RFTN1: variants seen among roughly 807,000 people sequenced by gnomAD.
RFTN1 encodes raftlin.
In RFTN1, 26 loss-of-function variants were observed where a neutral mutation model predicts 46.5. That is an observed-to-expected ratio of 0.56 (90% CI 0.41 to 0.78). The LOEUF is 0.78. Ranked by LOEUF, RFTN1 falls within the 30% of genes least tolerant of loss-of-function variation. The pLI, the probability that RFTN1 is intolerant of heterozygous loss-of-function variation, is 0.00. For missense variants in RFTN1, 693 were observed against 718.7 expected (o/e 0.96, Z 0.41); for synonymous variants, 261 against 284.2 (o/e 0.92, Z 0.82).
intron 4 of RFTN1, among the ~76,000 whole-genome samples, chr3:16,386,377 T>C (rs1306294491): frequency 6.6e-6 from 1 of 152,234 alleles, no homozygotes; most frequent in Non-Finnish European, 1.5e-5. Flanking sequence ...GATTAACTCA[T>C]TTAATCCTTA....
chr3:16,328,229 G>A (rs1458568903), intron 7 of RFTN1, among the ~76,000 whole-genome samples: 3 of 152,240 alleles, frequency 2.0e-5, no homozygotes, highest in African/African-American at 7.2e-5. Flanking sequence ...GTCAAAGCAG[G>A]CTTCCTGGGG....
intron 4 of RFTN1, among the ~76,000 whole-genome samples, chr3:16,403,482 A>T (rs1484873439): frequency 1.4e-5 from 2 of 144,604 alleles, no homozygotes; most frequent in Non-Finnish European, 3.0e-5. Flanking sequence ...TCTGCAGAGT[A>T]AAATCTTATT....
chr3:16,360,616 CCT>C (rs1409461548), intron 6 of RFTN1, among the ~76,000 whole-genome samples: 1 of 152,078 alleles, frequency 6.6e-6, no homozygotes. Context: ...AAAAGTCCAC[CCT>C]CTTTCACCCA....
chr3:16,406,543 A>G (rs2074861260), intron 4 of RFTN1, among the ~76,000 whole-genome samples: 1 of 152,222 alleles, frequency 6.6e-6, no homozygotes, highest in Non-Finnish European at 1.5e-5. Context: ...GCCCTGGTTT[A>G]CAAGCTGTCC....
intron 3 of RFTN1, among the ~76,000 whole-genome samples, chr3:16,411,770 C>A (rs889317970): frequency 6.6e-6 from 1 of 152,158 alleles, no homozygotes; most frequent in Non-Finnish European, 1.5e-5. Flanking sequence ...AATCTAAAAT[C>A]CAGCTGTTCT....
intron 2 of RFTN1, among the ~76,000 whole-genome samples, chr3:16,478,407 G>A (rs970134411): frequency 5.3e-5 from 8 of 152,192 alleles, no homozygotes; most frequent in African/African-American, 1.9e-4. Context: ...CTAATAAGCA[G>A]CAGAGCCAGA....
chr3:16,476,700 T>A (rs1412336097), intron 2 of RFTN1, among the ~76,000 whole-genome samples: 1 of 152,144 alleles, frequency 6.6e-6, no homozygotes, highest in African/African-American at 2.4e-5. Context: ...TCATGTGCTA[T>A]AAGAGGTATT....
chr3:16,499,102 G>A lies in RFTN1; in HGVS notation c.-8-5225C>T, dbSNP rs536955569. On this transcript the variant is annotated intron_variant, in intron 1 of 9. Coordinates refer to ENST00000334133, the MANE Select transcript of RFTN1 (RefSeq NM_015150.2). The surrounding 1 kb of genome is among the most constrained non-coding windows in gnomAD (Gnocchi z 4.9). Reference sequence around the variant, plus strand: ...AGACACAGGTGTGCTGCACATTCCCGCACACAGACATTCAGGGAGTGTCTC... The same window carrying A: ...AGACACAGGTGTGCTGCACATTCCCACACACAGACATTCAGGGAGTGTCTC... 4.6e-5 allele frequency among the ~76,000 whole-genome samples: 7 copies of A among 152,258 alleles called. No homozygotes were observed. Among genetic ancestry groups the A allele is most frequent in the East Asian group, 3.9e-4 (2 of 5,188 alleles).
In RFTN1 at chr3:16,341,819, C is replaced by T. The variant is rs1442357084; in HGVS notation, c.1147-14943G>A. On this transcript the variant is annotated intron_variant, in intron 7 of 9. Coordinates refer to ENST00000334133, the MANE Select transcript of RFTN1 (RefSeq NM_015150.2). The surrounding 1 kb of genome is among the most constrained non-coding windows in gnomAD (Gnocchi z 4.7). Reference sequence around the variant, plus strand: ...TAATAACAGAAACATTTTCAGCATACAGTTACATACAAAAATGTATAACAG... The same window carrying T: ...TAATAACAGAAACATTTTCAGCATATAGTTACATACAAAAATGTATAACAG... Among the ~76,000 whole-genome samples, 1 of 152,078 alleles carries T rather than the reference C, an allele frequency of 6.6e-6. No individual in the cohort carries two copies. The highest frequency in any genetic ancestry group is 2.4e-5 in the African/African-American group (1 of 41,400).
At chr3:16,366,932 A>G (rs1395445033) in intron 6 of RFTN1, among the ~76,000 whole-genome samples, 22 of 152,212 alleles carry the variant, frequency 1.4e-4, no homozygotes, top group Non-Finnish European at 3.2e-4. Flanking sequence ...CAGGGAGAGG[A>G]GTCCTGGACA....
intron 6 of RFTN1, among the ~76,000 whole-genome samples, chr3:16,362,051 C>G (rs983456725): frequency 6.6e-6 from 1 of 152,218 alleles, no homozygotes; most frequent in Non-Finnish European, 1.5e-5. Flanking sequence ...AATGCACAAC[C>G]TAGACCTAAA....
intron 4 of RFTN1, among the ~76,000 whole-genome samples, chr3:16,405,304 G>A (rs1226180676): frequency 3.3e-5 from 5 of 152,114 alleles, no homozygotes; most frequent in Non-Finnish European, 7.4e-5. Context: ...TTCGGCTCTA[G>A]GACTTAGAAA....
Position 16,352,906 on chromosome 3 carries a change from C to T in RFTN1, c.1146+5026G>A, listed in dbSNP as rs905056009. 4.6e-5 allele frequency among the ~76,000 whole-genome samples: 7 copies of T among 152,178 alleles called. No homozygotes were observed. The highest frequency in any genetic ancestry group is 4.1e-4 in the South Asian group (2 of 4,822). On this transcript the variant is annotated intron_variant, in intron 7 of 9. Transcript: ENST00000334133. The surrounding 1 kb of genome is among the most constrained non-coding windows in gnomAD (Gnocchi z 4.6). ...CACTCAGGCCAGACTCTGGAATCTCCGCTGTCTTGCCAACGTGCTGCACTG... is the reference window on the plus strand; with the variant it reads ...CACTCAGGCCAGACTCTGGAATCTCTGCTGTCTTGCCAACGTGCTGCACTG...
rs1281374510 is a variant in RFTN1 at position 16,381,424 on chromosome 3, G to A, written c.442-3322C>T. Among the ~76,000 whole-genome samples the A allele has an allele frequency of 6.6e-6, 1 of 152,190 alleles. No individual in the cohort carries two copies. The highest frequency in any genetic ancestry group is 1.5e-5 in the Non-Finnish European group (1 of 68,036). The stretch of plus-strand genomic sequence containing the variant: ...CAATGGTGATTATTTCTGCCTGAAG[G>A]GGAGGTTGAGAAAAGTTTCTCCGAG... On this transcript the variant is annotated intron_variant, in intron 4 of 9. Transcript: ENST00000334133. This position sits in a 1 kb window ranked among gnomAD's most constrained non-coding sequence, Gnocchi z 4.2.
chr3:16,354,546 C>T (rs1358119533), intron 7 of RFTN1, among the ~76,000 whole-genome samples: 1 of 152,242 alleles, frequency 6.6e-6, no homozygotes, highest in Non-Finnish European at 1.5e-5. Context: ...CTGATGGGAG[C>T]AGCAGCCTTG....
At chr3:16,462,698 C>T (rs1449145711) in intron 2 of RFTN1, among the ~76,000 whole-genome samples, 1 of 152,232 alleles carries the variant, frequency 6.6e-6, no homozygotes, top group Non-Finnish European at 1.5e-5. Context: ...TTCTGGCCTC[C>T]AGAGCTCCAA....
rs1417445898 is a variant in RFTN1 at position 16,452,904 on chromosome 3, T to C, written c.146-18867A>G. Among the ~76,000 whole-genome samples the C allele has an allele frequency of 6.6e-6, 1 of 152,218 alleles. No homozygotes were observed. Among genetic ancestry groups the C allele is most frequent in the African/African-American group, 2.4e-5 (1 of 41,452 alleles). Reference sequence around the variant, plus strand: ...AATCTCCTTTTTTGAGCAAATGGTTTCAATGTATTTTACAGCAGAAAAAGC... The same window carrying C: ...AATCTCCTTTTTTGAGCAAATGGTTCCAATGTATTTTACAGCAGAAAAAGC... On this transcript the variant is annotated intron_variant, in intron 2 of 9. Transcript: ENST00000334133. The surrounding 1 kb of genome is among the most constrained non-coding windows in gnomAD (Gnocchi z 6.3).
rs367960866 is a variant in RFTN1, at chr3:16,415,409, G to GTATATATATATA, written c.333-5938_333-5927dup. On this transcript the variant is annotated intron_variant, in intron 3 of 9. Coordinates refer to ENST00000334133, the MANE Select transcript of RFTN1 (RefSeq NM_015150.2). ...GTTGAGATGTCTGGTAGACAGTTGA[G>GTATATATATATA]TATATATATATATATATATATACAC... 1.8e-3 allele frequency among the ~76,000 whole-genome samples: 193 copies of GTATATATATATA among 104,516 alleles called. 2 individuals are homozygous for GTATATATATATA. The highest frequency in any genetic ancestry group is 2.7e-3 in the Admixed American group (25 of 9,202). The allele number at this position is 104,516 out of a possible 152,430, so 68.6% of individuals were successfully genotyped here. A position where few individuals can be genotyped will look rare whatever the true frequency, so the allele number is the denominator to read the frequency against.
rs1013139421 is a variant in RFTN1 at position 16,466,233 on chromosome 3, C to T, written c.145+27492G>A. On this transcript the variant is annotated intron_variant, in intron 2 of 9. Transcript: ENST00000334133. This position sits in a 1 kb window ranked among gnomAD's most constrained non-coding sequence, Gnocchi z 5.6. ...AACAAAGAACACTTTTAACTTGCAT[C>T]GTCCTCTCATCCCAGCTTGCAAAGG... Among the ~76,000 whole-genome samples, 3 of 152,180 alleles carry T rather than the reference C, an allele frequency of 2.0e-5. No homozygotes were observed. Among genetic ancestry groups the T allele is most frequent in the African/African-American group, 7.2e-5 (3 of 41,434 alleles).
Sources: allele counts gnomAD v4.1 joint callset (sites outside exome capture counted in the v4.1 genomes callset), GRCh38; gene constraint gnomAD v4.1.1; non-coding constraint Gnocchi (gnomAD v3.1); transcripts MANE v1.5; gene names NCBI Gene and HGNC (gene_info 2026-07-23, HGNC 2026-07-21).